CCSER1: variants seen among roughly 807,000 people sequenced by gnomAD.
The protein encoded by CCSER1 is coiled-coil serine rich protein 1, also known as serine-rich coiled-coil domain-containing protein 1.
A neutral mutation model predicts 82.0 loss-of-function variants in CCSER1; 41 were observed. The ratio of observed to expected loss-of-function variants is 0.50; its 90% CI spans 0.39 to 0.65. CCSER1 has a LOEUF of 0.65. Among genes scored for constraint, CCSER1 ranks in the 30% least tolerant of loss-of-function variants. The pLI is 0.00. For missense variants in CCSER1, 1,119 were observed against 1,064.2 expected (o/e 1.05, Z -0.72); for synonymous variants, 414 against 383.9 (o/e 1.08, Z -0.92).
chr4:90,227,794 G>C (rs1309466015), intron 1 of CCSER1, among the ~76,000 whole-genome samples: 2 of 152,218 alleles, frequency 1.3e-5, no homozygotes, highest in African/African-American at 2.4e-5. Flanking sequence ...GCAGGGCGAG[G>C]CATTGCCTCA....
At chr4:91,297,418 TGTGTGTTA>T (rs1291324503) in intron 10 of CCSER1, among the ~76,000 whole-genome samples, 1 of 140,698 alleles carries the variant, frequency 7.1e-6, no homozygotes, top group African/African-American at 2.6e-5. Flanking sequence ...TGTGTGTGTG[TGTGTGTTA>T]GGGAGACAGA....
At chr4:90,497,746 G>A (rs2153609732) in intron 5 of CCSER1, among the ~76,000 whole-genome samples, 1 of 152,174 alleles carries the variant, frequency 6.6e-6, no homozygotes, top group Non-Finnish European at 1.5e-5. Flanking sequence ...ACATCTCAAT[G>A]GTCACTGGTC....
intron 10 of CCSER1, among the ~76,000 whole-genome samples, chr4:91,383,058 T>C (rs1751036008): frequency 6.6e-6 from 1 of 152,066 alleles, no homozygotes; most frequent in African/African-American, 2.4e-5. Context: ...TTTAACATAA[T>C]GATATTACAC....
intron 10 of CCSER1, among the ~76,000 whole-genome samples, chr4:91,124,850 G>C (rs1469341559): frequency 6.6e-6 from 1 of 151,630 alleles, no homozygotes; most frequent in African/African-American, 2.4e-5. Flanking sequence ...GAGAGTCAAA[G>C]TCTTTTTCCT....
At chr4:90,744,415 T>A (rs73833789) in intron 7 of CCSER1, among the ~76,000 whole-genome samples, 7,869 of 152,244 alleles carry the variant, frequency 0.052, 463 homozygotes, top group African/African-American at 0.14. Context: ...TTTTGGACTT[T>A]ATTTGAAATT....
rs186110257 is a variant in CCSER1 at position 90,296,130 on chromosome 4, G to A, written c.-41-12114G>A. ...ACAAATTTATCAAATTCAGCTTTTG[G>A]AAATCATGTTCAGACTCTGAGACAG... On this transcript the variant is annotated intron_variant, in intron 1 of 10. Coordinates refer to ENST00000509176, the MANE Select transcript of CCSER1 (RefSeq NM_001145065.2). 3.3e-3 allele frequency among the ~76,000 whole-genome samples: 506 copies of A among 152,106 alleles called. 4 individuals carry two copies. The highest frequency in any genetic ancestry group is 6.6e-3 in the Non-Finnish European group (446 of 67,972).
intron 7 of CCSER1, among the ~76,000 whole-genome samples, chr4:90,725,661 A>G (rs916200159): frequency 6.6e-6 from 1 of 151,666 alleles, no homozygotes; most frequent in Non-Finnish European, 1.5e-5. Context: ...ATAAATTGTC[A>G]TTGTGTAAAT....
intron 10 of CCSER1, among the ~76,000 whole-genome samples, chr4:91,400,771 A>T (rs746524554): frequency 7.3e-5 from 11 of 151,542 alleles, no homozygotes; most frequent in Non-Finnish European, 1.3e-4. Flanking sequence ...TATATTATGA[A>T]CATGTTCCAA....
intron 10 of CCSER1, among the ~76,000 whole-genome samples, chr4:91,545,464 A>T (rs1325044912): frequency 6.6e-6 from 1 of 152,128 alleles, no homozygotes; most frequent in African/African-American, 2.4e-5. Context: ...ACCTCCCTCC[A>T]TTCACTACAG....
chr4:91,133,043 G>T (rs1008672112), intron 10 of CCSER1, among the ~76,000 whole-genome samples: 1 of 152,172 alleles, frequency 6.6e-6, no homozygotes, highest in Non-Finnish European at 1.5e-5. Flanking sequence ...GAAGCTAAAT[G>T]ACACATTTTT....
At chr4:91,486,079 G>A (rs977265970) in intron 10 of CCSER1, among the ~76,000 whole-genome samples, 2 of 151,644 alleles carry the variant, frequency 1.3e-5, no homozygotes, top group Non-Finnish European at 2.9e-5. Flanking sequence ...ATTTTATTGA[G>A]AATTGCATTT....
intron 1 of CCSER1, among the ~76,000 whole-genome samples, chr4:90,213,052 A>G (rs1349305542): frequency 2.0e-5 from 3 of 152,168 alleles, no homozygotes; most frequent in African/African-American, 7.2e-5. Context: ...GACATAGTAA[A>G]GGTTATGCGT....
Position 90,953,129 on chromosome 4 carries a change from G to A in CCSER1, c.2172+29682G>A, listed in dbSNP as rs181987158. ...GAAATATGAGTTTTGACATCCATGT[G>A]TTATGTTCATATGCAATTTTGTCAT... On this transcript the variant is annotated intron_variant, in intron 9 of 10. Coordinates refer to ENST00000509176, the MANE Select transcript of CCSER1 (RefSeq NM_001145065.2). Among the ~76,000 whole-genome samples, 40 of 151,998 alleles carry A rather than the reference G, an allele frequency of 2.6e-4. No individual in the cohort carries two copies. The South Asian group carries it at 7.7e-3, about 29-fold the overall frequency.
intron 1 of CCSER1, among the ~76,000 whole-genome samples, chr4:90,152,250 C>T (rs1264722756): frequency 6.6e-6 from 1 of 152,142 alleles, no homozygotes; most frequent in Non-Finnish European, 1.5e-5. Context: ...CTGAAACTCA[C>T]AACTGTGCAC....
At chr4:91,343,678 G>A (rs1747868387) in intron 10 of CCSER1, among the ~76,000 whole-genome samples, 1 of 152,022 alleles carries the variant, frequency 6.6e-6, no homozygotes, top group Admixed American at 6.6e-5. Flanking sequence ...TCAAATTTTA[G>A]CGTGGAGATG....
intron 8 of CCSER1, among the ~76,000 whole-genome samples, chr4:90,891,366 A>G (rs1184576090): frequency 6.6e-6 from 1 of 151,622 alleles, no homozygotes; most frequent in Non-Finnish European, 1.5e-5. Context: ...TTGTGTTTTC[A>G]TTTAACTTTA....
intron 9 of CCSER1, among the ~76,000 whole-genome samples, chr4:91,019,447 T>G (rs895806849): frequency 3.3e-5 from 5 of 152,158 alleles, no homozygotes; most frequent in Admixed American, 2.0e-4. Context: ...AGTTTTTTAT[T>G]AATTTAATAA....
chr4:90,722,475 G>A (rs1742838851), intron 6 of CCSER1, among the ~76,000 whole-genome samples: 1 of 151,772 alleles, frequency 6.6e-6, no homozygotes, highest in Non-Finnish European at 1.5e-5. Flanking sequence ...CATATAATCA[G>A]AGAGCGAGAG....
intron 10 of CCSER1, among the ~76,000 whole-genome samples, chr4:91,319,296 A>G (rs1221129200): frequency 3.9e-5 from 6 of 152,044 alleles, no homozygotes; most frequent in African/African-American, 4.8e-5. Context: ...CATGCCTCCC[A>G]GAGAATGAAG....
Sources: gnomAD v4.1 joint callset for allele counts (sites outside exome capture counted in the v4.1 genomes callset) on GRCh38, gnomAD v4.1.1 for gene constraint, MANE v1.5 for transcripts, NCBI Gene and HGNC (gene_info 2026-07-23, HGNC 2026-07-21) for gene names.